The following KPNA3 variants were observed in gnomAD, a reference collection of about 807,000 sequenced individuals.
KPNA3 encodes the protein karyopherin subunit alpha 3, also known as importin subunit alpha-4.
A neutral mutation model predicts 73.8 loss-of-function variants in KPNA3; 13 were observed. The ratio of observed to expected loss-of-function variants is 0.18; its 90% CI spans 0.11 to 0.28. The LOEUF (loss-of-function observed/expected upper bound fraction) is 0.28, where lower values mean the gene tolerates loss of function less well. Among genes scored for constraint, KPNA3 ranks in the 10% least tolerant of loss-of-function variants. The pLI is 1.00. For synonymous variants in KPNA3, 186 were observed against 206.9 expected, an observed-to-expected ratio of 0.90 and a Z score of 0.87; for missense variants, 360 against 618.1, an observed-to-expected ratio of 0.58 and a Z score of 4.43.
chr13:49,706,800 G>A (rs1954211523), intron 12 of KPNA3, among the ~76,000 whole-genome samples: 1 of 151,602 alleles, frequency 6.6e-6, no homozygotes. Context: ...CCAGGTTGGA[G>A]TGCAGTGGCG....
chr13:49,765,993 A>C (rs563826519), intron 1 of KPNA3, among the ~76,000 whole-genome samples: 55 of 152,338 alleles, frequency 3.6e-4, no homozygotes, highest in African/African-American at 1.3e-3. Context: ...TCCTTAAGAC[A>C]TTCAAAACTG....
At chr13:49,759,448 C>T (rs1218836198) in intron 1 of KPNA3, among the ~76,000 whole-genome samples, 1 of 152,146 alleles carries the variant, frequency 6.6e-6, no homozygotes, top group African/African-American at 2.4e-5. Context: ...AAGTGCATGA[C>T]ATTTATTGTG....
At chr13:49,731,581 A>G (rs1240598505) in intron 6 of KPNA3, among the ~76,000 whole-genome samples, 1 of 152,152 alleles carries the variant, frequency 6.6e-6, no homozygotes, top group East Asian at 1.9e-4. Flanking sequence ...TTTATATACC[A>G]CTATTCTTAT....
chr13:49,734,726 T>C (rs774922642), intron 2 of KPNA3, among the ~76,000 whole-genome samples: 5 of 152,180 alleles, frequency 3.3e-5, no homozygotes, highest in Non-Finnish European at 7.4e-5. Context: ...TATTCTATCA[T>C]AAAACCAGTT....
intron 2 of KPNA3, among the ~76,000 whole-genome samples, chr13:49,745,088 A>G (rs1954604910): frequency 6.6e-6 from 1 of 152,186 alleles, no homozygotes; most frequent in African/African-American, 2.4e-5. Context: ...CACCTCCATG[A>G]GACAATTGCT....
intron 2 of KPNA3, 39 bp from the exon 3 acceptor site, chr13:49,733,085 A>C (rs1954485060): frequency 1.6e-6 from 2 of 1,249,434 alleles, no homozygotes; most frequent in Non-Finnish European, 2.3e-6. Flanking sequence ...AGTCATAAGG[A>C]CTACTGTTAA....
rs545955874 is a variant in KPNA3 at position 49,743,977 on chromosome 13, G to A, written c.114+2972C>T. On this transcript the variant is annotated intron_variant, in intron 2 of 16. Transcript: ENST00000261667. ...TCTTCATTTGGTGAATGAAAATCCAGACAAAAAAGGACGCACACTATTCTA... is the reference window on the plus strand; with the variant it reads ...TCTTCATTTGGTGAATGAAAATCCAAACAAAAAAGGACGCACACTATTCTA... 3.9e-5 allele frequency among the ~76,000 whole-genome samples: 6 copies of A among 152,152 alleles called. No homozygotes were observed. The East Asian group carries it at 1.2e-3, about 29-fold the overall frequency.
intron 2 of KPNA3, among the ~76,000 whole-genome samples, chr13:49,745,695 G>C (rs1180568126): frequency 2.0e-5 from 3 of 151,776 alleles, no homozygotes; most frequent in Non-Finnish European, 2.9e-5. Flanking sequence ...TTTTAGGAGT[G>C]AATTACATGA....
intron 12 of KPNA3, among the ~76,000 whole-genome samples, chr13:49,706,834 C>T (rs1393465233): frequency 6.6e-6 from 1 of 151,950 alleles, no homozygotes; most frequent in African/African-American, 2.4e-5. Flanking sequence ...CTGCAAGCTC[C>T]GCCTCCCGGG....
intron 1 of KPNA3, among the ~76,000 whole-genome samples, chr13:49,760,714 C>T (rs996827634): frequency 6.6e-5 from 10 of 152,104 alleles, no homozygotes; most frequent in Non-Finnish European, 1.3e-4. Flanking sequence ...AAAACCCGGG[C>T]GGTCAGGCAT....
At chr13:49,707,895 C>T (rs1360533828) in intron 12 of KPNA3, among the ~76,000 whole-genome samples, 15 of 151,860 alleles carry the variant, frequency 9.9e-5, no homozygotes, top group Non-Finnish European at 2.9e-5. Flanking sequence ...GTTATGATGA[C>T]GAAGAAGAAA....
intron 10 of KPNA3, among the ~76,000 whole-genome samples, chr13:49,718,507 G>T (rs1389031401): frequency 6.6e-6 from 1 of 152,166 alleles, no homozygotes; most frequent in Non-Finnish European, 1.5e-5. Context: ...TGTTCTGGGG[G>T]AAAGTCCTGA....
intron 2 of KPNA3, among the ~76,000 whole-genome samples, chr13:49,733,568 C>T (rs990518082): frequency 6.6e-6 from 1 of 152,124 alleles, no homozygotes; most frequent in Non-Finnish European, 1.5e-5. Context: ...GGATTACAAG[C>T]GTGAGCCACT....
At chr13:49,720,380 G>A (rs1566337555) in intron 9 of KPNA3, among the ~76,000 whole-genome samples, 1 of 152,174 alleles carries the variant, frequency 6.6e-6, no homozygotes, top group Non-Finnish European at 1.5e-5. Flanking sequence ...GAGAAAGGGA[G>A]CAGGGGGTTG....
chr13:49,775,758 G>A (rs1160003528), intron 1 of KPNA3, among the ~76,000 whole-genome samples: 1 of 152,088 alleles, frequency 6.6e-6, no homozygotes, highest in African/African-American at 2.4e-5. Context: ...CCCTTGAATA[G>A]AAGGATCTTG....
At chr13:49,745,078 C>G (rs1269114812) in intron 2 of KPNA3, among the ~76,000 whole-genome samples, 3 of 152,144 alleles carry the variant, frequency 2.0e-5, no homozygotes, top group African/African-American at 4.8e-5. Context: ...ATCTAGTGTT[C>G]ACCTCCATGA....
chr13:49,723,986 GCTTT>G (rs1200489269), intron 7 of KPNA3, among the ~76,000 whole-genome samples: 1 of 151,962 alleles, frequency 6.6e-6, no homozygotes, highest in Non-Finnish European at 1.5e-5. Context: ...TTAAATATCT[GCTTT>G]CTGTCTTTAC....
intron 10 of KPNA3, among the ~76,000 whole-genome samples, chr13:49,719,460 A>AT (rs917094882): frequency 6.6e-6 from 1 of 152,004 alleles, no homozygotes; most frequent in South Asian, 2.1e-4. Flanking sequence ...AACCAGTGAG[A>AT]TTTTTTTTAA....
intron 10 of KPNA3, among the ~76,000 whole-genome samples, chr13:49,716,470 G>C (rs981562621): frequency 1.3e-5 from 2 of 150,970 alleles, no homozygotes; most frequent in Non-Finnish European, 2.9e-5. Flanking sequence ...ACAGCATCTC[G>C]CTCTGTTGCC....
Sources: gnomAD v4.1 joint callset for allele counts (sites outside exome capture counted in the v4.1 genomes callset) on GRCh38, gnomAD v4.1.1 for gene constraint, MANE v1.5 for transcripts, NCBI Gene and HGNC (gene_info 2026-07-23, HGNC 2026-07-21) for gene names.